Variants in SYCP1 observed in about 807,000 individuals in gnomAD.
The protein encoded by SYCP1 is cancer/testis antigen 8.
Under a neutral mutation model 153.1 loss-of-function variants are expected in SYCP1, and 64 were observed. The observed-to-expected ratio is 0.42, with a 90% CI of 0.34 to 0.51. SYCP1 has a LOEUF of 0.51. SYCP1 is among the 20% of genes least tolerant of loss of function. The probability of loss-of-function intolerance (pLI) is 0.06; values close to 1 mark genes in which losing one functional copy is unlikely to be tolerated. For missense variants in SYCP1, 997 were observed against 1,049.0 expected, an observed-to-expected ratio of 0.95 and a Z score of 0.68; for synonymous variants, 384 against 341.8, an observed-to-expected ratio of 1.12 and a Z score of -1.36.
chr1:114,979,297 T>G (rs1321716671), intron 28 of SYCP1, among the ~76,000 whole-genome samples: 1 of 151,782 alleles, frequency 6.6e-6, no homozygotes, highest in Non-Finnish European at 1.5e-5. Flanking sequence ...AAAGTTGTTA[T>G]GAGGATTAAA....
At chr1:114,982,372 TGGTGTCTGCAA>T (rs1409153200) in intron 29 of SYCP1, among the ~76,000 whole-genome samples, 5 of 152,060 alleles carry the variant, frequency 3.3e-5, no homozygotes, top group South Asian at 2.1e-4. Context: ...TTGTGTTTGA[TGGTGTCTGCAA>T]GGTGTCTGCA....
chr1:114,887,861 A>C lies in SYCP1; in HGVS notation c.1258+168A>C, dbSNP rs1431277313. 4.6e-5 allele frequency among the ~76,000 whole-genome samples: 7 copies of C among 152,168 alleles called. 1 individual carries two copies. The highest frequency in any genetic ancestry group is 3.3e-4 in the Admixed American group (5 of 15,284). ...AAGGTAGAAAATTTAAACCTTAAGA[A>C]AGAGTGTTTTATTCAGTTTTATTAT... is the stretch of plus-strand genomic sequence containing the variant. On this transcript the variant is annotated intron_variant, in intron 15 of 31. Transcript: ENST00000369522.
At chr1:114,919,366 A>G (rs565644843) in intron 20 of SYCP1, among the ~76,000 whole-genome samples, 17 of 152,150 alleles carry the variant, frequency 1.1e-4, no homozygotes, top group African/African-American at 3.9e-4. Context: ...CTTGGTTATG[A>G]TTAATGATCT....
At chr1:114,914,677 A>G (rs144615402) in intron 20 of SYCP1, among the ~76,000 whole-genome samples, 2,224 of 152,306 alleles carry the variant, frequency 0.015, 27 homozygotes, top group Non-Finnish European at 0.023. Flanking sequence ...TTCCTTGTTG[A>G]CATCTTTCTG....
chr1:114,868,844 C>T (rs1293201447), intron 8 of SYCP1, among the ~76,000 whole-genome samples: 1 of 152,134 alleles, frequency 6.6e-6, no homozygotes, highest in African/African-American at 2.4e-5. Context: ...TAGAATTGTT[C>T]ATAATATTTC....
intron 23 of SYCP1, among the ~76,000 whole-genome samples, chr1:114,930,240 AGAAGT>A (rs1162044257): frequency 1.3e-5 from 2 of 152,016 alleles, no homozygotes; most frequent in Non-Finnish European, 1.5e-5. Context: ...TTAGAAAAGA[AGAAGT>A]GATCTAGGTT....
intron 23 of SYCP1, among the ~76,000 whole-genome samples, chr1:114,943,458 C>T (rs1670511844): frequency 6.6e-6 from 1 of 151,712 alleles, no homozygotes; most frequent in African/African-American, 2.4e-5. Context: ...TCAAACATAA[C>T]TGTTCAATGA....
rs529070578 is a variant in SYCP1 at position 114,959,673 on chromosome 1, A to ATTCT, written c.2322+12358_2322+12361dup. ...TGCTATCAAATGCTATATCTTATTC[A>ATTCT]TTCTTTCTATTTTTTATATCCATTA... is the stretch of plus-strand genomic sequence containing the variant. On this transcript the variant is annotated intron_variant, in intron 27 of 31. Coordinates refer to ENST00000369522, the MANE Select transcript of SYCP1 (RefSeq NM_003176.4). Among the ~76,000 whole-genome samples the ATTCT allele has an allele frequency of 8.4e-3, 1,275 of 151,974 alleles. 20 individuals carry two copies. The highest frequency in any genetic ancestry group is 0.029 in the African/African-American group (1,211 of 41,438).
chr1:114,870,282 G>T (rs1665030838), intron 8 of SYCP1, among the ~76,000 whole-genome samples: 2 of 152,084 alleles, frequency 1.3e-5, no homozygotes, highest in South Asian at 4.1e-4. Context: ...CAAAGTACTG[G>T]GATTACGGGC....
intron 8 of SYCP1, among the ~76,000 whole-genome samples, chr1:114,869,678 G>A (rs1245229589): frequency 6.6e-6 from 1 of 152,106 alleles, no homozygotes; most frequent in Non-Finnish European, 1.5e-5. Context: ...TTCAGATTTT[G>A]GATTTTCAGA....
chr1:114,939,040 A>G (rs1008200527), intron 23 of SYCP1, among the ~76,000 whole-genome samples: 3 of 152,170 alleles, frequency 2.0e-5, no homozygotes, highest in Non-Finnish European at 2.9e-5. Flanking sequence ...TATATGATCC[A>G]CTAATTTCAC....
chr1:114,967,967 G>T (rs1218548071), intron 27 of SYCP1, among the ~76,000 whole-genome samples: 5 of 152,266 alleles, frequency 3.3e-5, no homozygotes, highest in African/African-American at 1.2e-4. Flanking sequence ...GAAATTCTGG[G>T]TTGAAAATTC....
At chr1:114,889,622 A>G (rs935362869) in intron 15 of SYCP1, among the ~76,000 whole-genome samples, 3 of 152,008 alleles carry the variant, frequency 2.0e-5, no homozygotes, top group African/African-American at 7.2e-5. Context: ...AGATGAGTAG[A>G]TTGCAAAAAT....
intron 19 of SYCP1, among the ~76,000 whole-genome samples, chr1:114,913,760 C>T (rs1668332827): frequency 6.6e-6 from 1 of 151,932 alleles, no homozygotes; most frequent in Non-Finnish European, 1.5e-5. Context: ...CCAAATGATA[C>T]TTGTTTTGTT....
intron 16 of SYCP1, among the ~76,000 whole-genome samples, chr1:114,900,431 C>A (rs1667353574): frequency 6.6e-6 from 1 of 152,134 alleles, no homozygotes; most frequent in South Asian, 2.1e-4. Flanking sequence ...TAGGCGCCCA[C>A]CACCATGCCT....
intron 20 of SYCP1, among the ~76,000 whole-genome samples, chr1:114,917,595 C>T (rs940661878): frequency 6.6e-6 from 1 of 152,126 alleles, no homozygotes; most frequent in African/African-American, 2.4e-5. Flanking sequence ...TACATTCCCA[C>T]CAGCAGTGTA....
At chr1:114,868,051 A>G (rs1041992302) in intron 8 of SYCP1, among the ~76,000 whole-genome samples, 14 of 152,092 alleles carry the variant, frequency 9.2e-5, no homozygotes, top group African/African-American at 3.4e-4. Context: ...ATGGATTACA[A>G]TAATTGATTT....
intron 23 of SYCP1, among the ~76,000 whole-genome samples, chr1:114,931,694 C>T (rs1183173207): frequency 6.6e-6 from 1 of 152,068 alleles, no homozygotes; most frequent in Non-Finnish European, 1.5e-5. Flanking sequence ...ATAATTCCAG[C>T]AGTATTTTTT....
chr1:114,955,310 A>C (rs889187203), intron 27 of SYCP1, among the ~76,000 whole-genome samples: 1 of 152,134 alleles, frequency 6.6e-6, no homozygotes, highest in Non-Finnish European at 1.5e-5. Flanking sequence ...GGCACTTGCT[A>C]GATTTAATCT....
Sources: allele counts gnomAD v4.1 joint callset (sites outside exome capture counted in the v4.1 genomes callset), GRCh38; gene constraint gnomAD v4.1.1; transcripts MANE v1.5; gene names NCBI Gene and HGNC (gene_info 2026-07-23, HGNC 2026-07-21).